CNTNAP2: variants seen among roughly 807,000 people sequenced by gnomAD.
The protein encoded by CNTNAP2 is contactin associated protein 2.
In CNTNAP2, 98 loss-of-function variants were observed where a neutral mutation model predicts 155.2. The observed-to-expected ratio is 0.63, with a 90% confidence interval of 0.54 to 0.75. The LOEUF (loss-of-function observed/expected upper bound fraction) is 0.75, where lower values mean the gene tolerates loss of function less well. Ranked by LOEUF, CNTNAP2 falls within the 30% of genes least tolerant of loss-of-function variation. The probability of loss-of-function intolerance (pLI) is 0.00; values close to 1 mark genes in which losing one functional copy is unlikely to be tolerated. For missense variants in CNTNAP2, 1,727 were observed against 1,688.1 expected, an observed-to-expected ratio of 1.02 and a Z score of -0.40; for synonymous variants, 651 against 631.2, an observed-to-expected ratio of 1.03 and a Z score of -0.47.
chr7:146,165,437 T>G (rs1798298226), intron 1 of CNTNAP2, among the ~76,000 whole-genome samples: 1 of 152,322 alleles, frequency 6.6e-6, no homozygotes, highest in East Asian at 1.9e-4. Context: ...TGAAAGACTC[T>G]TATGACAATT....
intron 2 of CNTNAP2, among the ~76,000 whole-genome samples, chr7:146,820,557 A>G (rs923938977): frequency 6.6e-6 from 1 of 152,068 alleles, no homozygotes; most frequent in African/African-American, 2.4e-5. Context: ...CTGTTCTTTT[A>G]CATTTGCTGA....
At chr7:148,305,553 C>A (rs534143951) in intron 21 of CNTNAP2, among the ~76,000 whole-genome samples, 1 of 152,294 alleles carries the variant, frequency 6.6e-6, no homozygotes, top group East Asian at 1.9e-4. Context: ...AATTGACTCG[C>A]AGTTCTGCAG....
rs116089233 is a variant in CNTNAP2 at position 147,363,274 on chromosome 7, G to A, written c.1499-32335G>A. Among the ~76,000 whole-genome samples, 996 of 152,282 alleles carry A rather than the reference G, an allele frequency of 6.5e-3. 8 individuals are homozygous for A. The highest frequency in any genetic ancestry group is 0.023 in the African/African-American group (946 of 41,538). ...GATACTGTCAACAAGCCGGAATGCA[G>A]GCCCTCTCCTGACACTGGATCTGCC... On this transcript the variant is annotated intron_variant, in intron 9 of 23. Coordinates refer to ENST00000361727, the MANE Select transcript of CNTNAP2 (RefSeq NM_014141.6).
intron 15 of CNTNAP2, among the ~76,000 whole-genome samples, chr7:148,048,977 C>A (rs1430157336): frequency 6.6e-6 from 1 of 151,998 alleles, no homozygotes; most frequent in Non-Finnish European, 1.5e-5. Flanking sequence ...TTTGGGAGGC[C>A]GAGGCTGGTG....
At chr7:147,777,507 C>A (rs532134868) in intron 13 of CNTNAP2, among the ~76,000 whole-genome samples, 1 of 152,274 alleles carries the variant, frequency 6.6e-6, no homozygotes, top group African/African-American at 2.4e-5. Context: ...CCTGTTGAGG[C>A]CCCTACTTGG....
chr7:146,336,834 G>T (rs1052418132), intron 1 of CNTNAP2, among the ~76,000 whole-genome samples: 3 of 152,178 alleles, frequency 2.0e-5, no homozygotes, highest in Non-Finnish European at 4.4e-5. Flanking sequence ...AGGGCAGTAT[G>T]CTGAGTGAAA....
At chr7:147,651,986 C>T (rs1795457070) in intron 13 of CNTNAP2, among the ~76,000 whole-genome samples, 1 of 152,152 alleles carries the variant, frequency 6.6e-6, no homozygotes, top group Non-Finnish European at 1.5e-5. Flanking sequence ...AGTTCCACTA[C>T]CATGCATCAT....
At chr7:146,544,065 A>T (rs1344023326) in intron 1 of CNTNAP2, among the ~76,000 whole-genome samples, 1 of 151,974 alleles carries the variant, frequency 6.6e-6, no homozygotes, top group Non-Finnish European at 1.5e-5. Context: ...TTCTCATAAA[A>T]TTAGTTTAAA....
At chr7:147,753,155 C>T (rs749305751) in intron 13 of CNTNAP2, among the ~76,000 whole-genome samples, 1 of 152,270 alleles carries the variant, frequency 6.6e-6, no homozygotes, top group East Asian at 1.9e-4. Context: ...TAATTTATTT[C>T]TATTTTGAAC....
At chr7:147,449,607 G>C (rs960008385) in intron 10 of CNTNAP2, among the ~76,000 whole-genome samples, 1 of 152,086 alleles carries the variant, frequency 6.6e-6, no homozygotes, top group Non-Finnish European at 1.5e-5. Flanking sequence ...TCAGATTAAG[G>C]ACATAGACAA....
At chr7:147,319,772 G>A (rs1563159174) in intron 9 of CNTNAP2, among the ~76,000 whole-genome samples, 1 of 152,060 alleles carries the variant, frequency 6.6e-6, no homozygotes, top group Non-Finnish European at 1.5e-5. Flanking sequence ...CAAATTATTA[G>A]GATAGTCTTC....
At chr7:147,128,652 A>G in intron 6 of CNTNAP2, 41 bp from the exon 7 acceptor site, 1 of 1,612,164 alleles carries the variant, frequency 6.2e-7, no homozygotes. Flanking sequence ...GTTCATCATA[A>G]TACAATGTGG....
intron 15 of CNTNAP2, among the ~76,000 whole-genome samples, chr7:148,038,352 G>A (rs1000355004): frequency 5.9e-5 from 9 of 152,076 alleles, no homozygotes; most frequent in East Asian, 1.9e-4. Context: ...AGCTGCTTCC[G>A]CAGTTAAAAT....
chr7:147,565,909 C>A (rs1800160537), intron 12 of CNTNAP2, among the ~76,000 whole-genome samples: 2 of 151,956 alleles, frequency 1.3e-5, no homozygotes, highest in Non-Finnish European at 2.9e-5. Context: ...CAATTATTAG[C>A]ATATTAATAT....
intron 1 of CNTNAP2, among the ~76,000 whole-genome samples, chr7:146,379,782 G>C (rs1187742044): frequency 6.6e-6 from 1 of 152,060 alleles, no homozygotes; most frequent in Non-Finnish European, 1.5e-5. Flanking sequence ...TAGGCATGTG[G>C]GACGATAATT....
At chr7:146,825,038 C>G (rs370753148) in intron 2 of CNTNAP2, among the ~76,000 whole-genome samples, 1 of 152,006 alleles carries the variant, frequency 6.6e-6, no homozygotes, top group Non-Finnish European at 1.5e-5. Context: ...GAAGATTGCA[C>G]TGAAAGCAAC....
chr7:148,158,518 G>A (rs1805449137), intron 17 of CNTNAP2, among the ~76,000 whole-genome samples: 1 of 152,242 alleles, frequency 6.6e-6, no homozygotes. Flanking sequence ...ACCAAGCCTG[G>A]ACAATTTTTG....
intron 8 of CNTNAP2, among the ~76,000 whole-genome samples, chr7:147,246,109 A>ATATATATGG (rs1474503451): frequency 4.8e-4 from 47 of 98,046 alleles, no homozygotes; most frequent in African/African-American, 2.1e-3. Context: ...ATATATATAC[A>ATATATATGG]CACATATATA....
intron 1 of CNTNAP2, among the ~76,000 whole-genome samples, chr7:146,154,966 T>C (rs1798102671): frequency 6.6e-6 from 1 of 152,186 alleles, no homozygotes; most frequent in African/African-American, 2.4e-5. Context: ...CCCTCTACTG[T>C]CACTCATATT....
Sources: gnomAD v4.1 joint callset for allele counts (sites outside exome capture counted in the v4.1 genomes callset) on GRCh38, gnomAD v4.1.1 for gene constraint, MANE v1.5 for transcripts, NCBI Gene and HGNC (gene_info 2026-07-23, HGNC 2026-07-21) for gene names.